Variants in ITGA5 observed in about 807,000 individuals in gnomAD.
ITGA5 encodes the protein integrin alpha-5.
In ITGA5, 55 loss-of-function variants were observed where a neutral mutation model predicts 146.3. The ratio of observed to expected loss-of-function variants is 0.38; its 90% CI spans 0.30 to 0.47. The LOEUF (loss-of-function observed/expected upper bound fraction) is 0.47, where lower values mean the gene tolerates loss of function less well. Ranked by LOEUF, ITGA5 falls within the 20% of genes least tolerant of loss-of-function variation. The pLI is 0.99. For synonymous variants in ITGA5, 500 were observed against 531.8 expected, an observed-to-expected ratio of 0.94 and a Z score of 0.82; for missense variants, 1,131 against 1,329.0, an observed-to-expected ratio of 0.85 and a Z score of 2.32.
In ITGA5 at chr12:54,418,919, C is replaced by T. The variant is rs531860390; in HGVS notation, c.218+62G>A. On this transcript the variant is annotated intron_variant, in intron 1 of 29. Coordinates refer to ENST00000293379, the MANE Select transcript of ITGA5 (RefSeq NM_002205.5). The stretch of plus-strand genomic sequence containing the variant: ...GCCCTGGTCCCCTCCAGACCCCAGC[C>T]GCGCCCCCAGTCTCCAGGCGGCTCC... The T allele has an allele frequency of 6.0e-4, 950 of 1,579,484 alleles. 6 individuals carry two copies. In the African/African-American group the frequency reaches 0.012, roughly 19 times the overall value.
rs201444911 is a variant in ITGA5 at position 54,411,959 on chromosome 12, C to T, written c.224G>A (p.Ser75Asn). Residue 75 changes from serine to asparagine, a missense_variant, in exon 2 of 30, where the codon AGT becomes AAT. By Grantham distance (46) the Ser-to-Asn change is conservative. Around this residue, in one of 3 missense-constraint regions of ITGA5, gnomAD observed 175 missense variants for 179.3 expected, o/e 0.98. Transcript: ENST00000293379. ...AGCCTTGGGTGCTCCCACCAGCACA[C>T]TGACCCTGTGGGGGGGAAAAGCGAG... ...EFYRPGTDGVSVLVGAPKANT... is the reference protein window; with the variant it reads ...EFYRPGTDGVNVLVGAPKANT... The T allele has an allele frequency of 3.8e-4, 596 of 1,587,654 alleles. 4 individuals carry two copies. Among genetic ancestry groups the T allele is most frequent in the South Asian group, 7.9e-4 (69 of 87,742 alleles).
At chr12:54,397,169 AC>A in intron 29 of ITGA5, 195 bp downstream of exon 29, 1 of 480,534 alleles carries the variant, frequency 2.1e-6, no homozygotes, top group East Asian at 3.4e-5. Flanking sequence ...AGTCAAGAGG[AC>A]CCTTTCTAAG....
chr12:54,414,830 A>G (rs1358693094), intron 1 of ITGA5, among the ~76,000 whole-genome samples: 1 of 147,646 alleles, frequency 6.8e-6, no homozygotes, highest in Non-Finnish European at 1.5e-5. Flanking sequence ...CCAGAGACAG[A>G]GCGAGACTCC....
At chr12:54,410,449 G>A (rs1401319621) in intron 2 of ITGA5, among the ~76,000 whole-genome samples, 1 of 150,474 alleles carries the variant, frequency 6.6e-6, no homozygotes, top group Non-Finnish European at 1.5e-5. Context: ...GGGTGCAAGT[G>A]ATCCTCCCAC....
At chr12:54,410,793 T>C (rs1314940099) in intron 2 of ITGA5, among the ~76,000 whole-genome samples, 1 of 152,032 alleles carries the variant, frequency 6.6e-6, no homozygotes, top group Non-Finnish European at 1.5e-5. Flanking sequence ...GTGACATGAT[T>C]TCAGCTCACT....
Position 54,409,194 on chromosome 12 carries a change from A to G in ITGA5, c.583+38T>C. ...ATGTGAGACACTTCAAGTATATGAGAAGGCAGACATGGGGCACAGGCCCCC... is the reference window on the plus strand; with the variant it reads ...ATGTGAGACACTTCAAGTATATGAGGAGGCAGACATGGGGCACAGGCCCCC... On this transcript the variant is annotated intron_variant, in intron 4 of 29. Coordinates refer to ENST00000293379, the MANE Select transcript of ITGA5 (RefSeq NM_002205.5). This position sits in a 1 kb window ranked among gnomAD's most constrained non-coding sequence, Gnocchi z 4.7. 1 of 1,589,024 alleles carries G rather than the reference A, an allele frequency of 6.3e-7. No homozygotes were observed. Among genetic ancestry groups the G allele is most frequent in the Non-Finnish European group, 8.5e-7 (1 of 1,169,870 alleles).
chr12:54,407,846 C>G lies in ITGA5; in HGVS notation c.848G>C (p.Gly283Ala). The change falls in exon 8 of 30, where the codon GGT (glycine) becomes GCT (alanine). Residue 283 changes from glycine (G) to alanine (A), a missense_variant. Gly to Ala is a moderately conservative substitution (Grantham distance 60, BLOSUM62 0). Coordinates refer to ENST00000293379, the MANE Select transcript of ITGA5 (RefSeq NM_002205.5). ...GYSVAVGEFSGDDTEDFVAGV... is the reference protein window; with the variant it reads ...GYSVAVGEFSADDTEDFVAGV... ...GACACACTCACCTTCTGTGTCATCA[C>G]CACTGAATTCACCAACAGCCACAGA... The G allele has an allele frequency of 6.3e-7, 1 of 1,596,120 alleles. No individual in the cohort carries two copies. The highest frequency in any genetic ancestry group is 8.5e-7 in the Non-Finnish European group (1 of 1,170,112).
At chr12:54,412,681 C>T (rs1955961858) in intron 1 of ITGA5, among the ~76,000 whole-genome samples, 1 of 152,218 alleles carries the variant, frequency 6.6e-6, no homozygotes, top group African/African-American at 2.4e-5. Flanking sequence ...CTACCGGGGT[C>T]CCAGTTCTGG....
chr12:54,408,351 G>C (rs746668754), intron 6 of ITGA5, 116 bp from the exon 7 acceptor site: 33 of 1,163,080 alleles, frequency 2.8e-5, no homozygotes, highest in Non-Finnish European at 3.5e-5. Context: ...GAAGCATGGG[G>C]AGGGTGGTGG....
Position 54,402,288 on chromosome 12 carries a change from G to T in ITGA5, c.2025C>A (p.Asn675Lys), listed in dbSNP as rs780278136. Residue 675 changes from asparagine (N) to lysine (K), a missense_variant, in exon 20 of 30, where the codon AAC becomes AAA. Around this residue, in one of 3 missense-constraint regions of ITGA5, gnomAD observed 889 missense variants for 1,021.5 expected, o/e 0.87. Transcript: ENST00000293379. ...CCACATTCTGGGCATGGAAAGTGAG[G>T]TTCAGGGCATTCTTGTCACCCAGGT... Reference protein sequence around the residue: ...HVYLGDKNALNLTFHAQNVGE... With the variant: ...HVYLGDKNALKLTFHAQNVGE... The T allele has an allele frequency of 1.5e-5, 25 of 1,614,038 alleles. No homozygotes were observed. Among genetic ancestry groups the T allele is most frequent in the Non-Finnish European group, 2.0e-5 (24 of 1,180,010 alleles).
intron 28 of ITGA5, among the ~76,000 whole-genome samples, chr12:54,397,902 A>AT (rs774468803): frequency 0.082 from 11,373 of 139,124 alleles, 514 homozygotes; most frequent in Admixed American, 0.13. Context: ...TATCATATCC[A>AT]TTTTTTTTTT....
Position 54,401,057 on chromosome 12 carries a change from C to A in ITGA5, c.2494-62G>T. 6.5e-7 allele frequency: 1 copy of A among 1,529,042 alleles called. No homozygotes were observed. 94.7% of individuals were successfully genotyped at this position (1,529,042 alleles called of 1,614,324 possible). A position where few individuals can be genotyped will look rare whatever the true frequency, so the allele number is the denominator to read the frequency against. On this transcript the variant is annotated intron_variant, in intron 24 of 29. Coordinates refer to ENST00000293379, the MANE Select transcript of ITGA5 (RefSeq NM_002205.5). This position sits in a 1 kb window ranked among gnomAD's most constrained non-coding sequence, Gnocchi z 5.0. Reference sequence around the variant, plus strand: ...GGGAATGCTTCTGCCCCATTGAGACCCTGGATCACCATGGCTCCACTATAC... The same window carrying A: ...GGGAATGCTTCTGCCCCATTGAGACACTGGATCACCATGGCTCCACTATAC...
intron 1 of ITGA5, among the ~76,000 whole-genome samples, chr12:54,418,499 A>G (rs1212487017): frequency 1.3e-5 from 2 of 151,518 alleles, no homozygotes; most frequent in Non-Finnish European, 2.9e-5. Context: ...CTTTCCTCCT[A>G]CTACACGTAG....
chr12:54,404,423 C>T lies in ITGA5; in HGVS notation c.1463+7G>A, dbSNP rs1223446153. The stretch of plus-strand genomic sequence containing the variant: ...GTTGTCCCCTCATCTCCCTTTGGAG[C>T]TCATACCTGTATACCACAGCCTTGT... On this transcript the variant is annotated splice_region_variant and intron_variant, in intron 14 of 29. Transcript: ENST00000293379. 6.2e-7 allele frequency: 1 copy of T among 1,613,952 alleles called. No homozygotes were observed. Among genetic ancestry groups the T allele is most frequent in the Non-Finnish European group, 8.5e-7 (1 of 1,179,780 alleles).
Position 54,397,453 on chromosome 12 carries a change from C to T in ITGA5, c.2978G>A (p.Gly993Asp). Residue 993 changes from glycine to aspartate, a missense_variant, in exon 29 of 30, where the codon GGC (glycine) becomes GAC (aspartate). This residue lies in a region of ITGA5 where 889 missense variants were observed against 1,021.5 expected (regional missense o/e 0.87). Coordinates refer to ENST00000293379, the MANE Select transcript of ITGA5 (RefSeq NM_002205.5). ...GATCCACAGTGGGACGCCATAGCTG[C>T]CTTCTGCCTTGGTCCATTGCACAGC... is the stretch of plus-strand genomic sequence containing the variant. Reference protein sequence around the residue: ...ATAVQWTKAEGSYGVPLWIII... With the variant: ...ATAVQWTKAEDSYGVPLWIII... The T allele has an allele frequency of 6.2e-7, 1 of 1,614,162 alleles. No homozygotes were observed. Among genetic ancestry groups the T allele is most frequent in the South Asian group, 1.1e-5 (1 of 91,082 alleles).
chr12:54,396,111 G>A lies in ITGA5; in HGVS notation c.*182C>T, dbSNP rs1955705223. ...ACAAGGGTCCTTCACAGTGCATGGG[G>A]GGGAGGGATCCCCAGCTCCTCACCC... On this transcript the variant is annotated 3_prime_UTR_variant, in exon 30 of 30. Coordinates refer to ENST00000293379, the MANE Select transcript of ITGA5 (RefSeq NM_002205.5). 1.7e-6 allele frequency: 1 copy of A among 590,654 alleles called. No individual in the cohort carries two copies. The highest frequency in any genetic ancestry group is 1.9e-5 in the African/African-American group (1 of 53,612). 36.6% of individuals were successfully genotyped at this position (590,654 alleles called of 1,614,324 possible). A position where few individuals can be genotyped will look rare whatever the true frequency, so the allele number is the denominator to read the frequency against.
chr12:54,408,096 A>T lies in ITGA5; in HGVS notation c.817+14T>A. On this transcript the variant is annotated intron_variant, in intron 7 of 29. Coordinates refer to ENST00000293379, the MANE Select transcript of ITGA5 (RefSeq NM_002205.5). ...GTTCTCCCTCTGCCATCCCTTCCCC[A>T]CTTGCTTGCTCACCTAGGTAGCTGT... 3.1e-6 allele frequency: 5 copies of T among 1,614,020 alleles called. No homozygotes were observed. The highest frequency in any genetic ancestry group is 1.7e-6 in the Non-Finnish European group (2 of 1,179,984).
chr12:54,411,970 G>A lies in ITGA5; in HGVS notation c.219-6C>T. 2.6e-6 allele frequency: 4 copies of A among 1,563,660 alleles called. No homozygotes were observed. In the South Asian group the frequency reaches 4.8e-5, roughly 19 times the overall value. On this transcript the variant is annotated splice_polypyrimidine_tract_variant and splice_region_variant and intron_variant, in intron 1 of 29. Transcript: ENST00000293379. Reference sequence around the variant, plus strand: ...CTCCCACCAGCACACTGACCCTGTGGGGGGGAAAAGCGAGGCAGTTGAGGA... The same window carrying A: ...CTCCCACCAGCACACTGACCCTGTGAGGGGGAAAAGCGAGGCAGTTGAGGA...
Position 54,402,230 on chromosome 12 carries a change from C to A in ITGA5, c.2083G>T (p.Val695Phe). ...EGGAYEAELR[V>F]TAPPEAEYSG... Reference sequence around the variant, plus strand: ...TACTCAGCCTCTGGAGGGGCGGTGACCCGAAGCTCAGCCTCATAGGCGCCA... The same window carrying A: ...TACTCAGCCTCTGGAGGGGCGGTGAACCGAAGCTCAGCCTCATAGGCGCCA... Residue 695 changes from valine to phenylalanine, a missense_variant, in exon 20 of 30, where the codon GTC becomes TTC. By Grantham distance (50) the Val-to-Phe change is conservative. This residue lies in a region of ITGA5 where 889 missense variants were observed against 1,021.5 expected (regional missense o/e 0.87). Transcript: ENST00000293379. 1 of 1,614,092 alleles carries A rather than the reference C, an allele frequency of 6.2e-7. No individual in the cohort carries two copies. Among genetic ancestry groups the A allele is most frequent in the Non-Finnish European group, 8.5e-7 (1 of 1,179,990 alleles).
Sources: gnomAD v4.1 joint callset for allele counts (sites outside exome capture counted in the v4.1 genomes callset) on GRCh38, gnomAD v4.1.1 for gene constraint, gnomAD v4.1.1 regional missense constraint, Gnocchi (gnomAD v3.1) non-coding constraint, MANE v1.5 for transcripts, NCBI Gene and HGNC (gene_info 2026-07-23, HGNC 2026-07-21) for gene names.